SEMA6D: variants seen among roughly 807,000 people sequenced by gnomAD.
SEMA6D encodes the protein semaphorin-6D.
SEMA6D carries 35 observed loss-of-function variants against 106.6 expected under a neutral mutation model. That is an observed-to-expected ratio of 0.33 (90% confidence interval 0.25 to 0.44). The LOEUF is 0.44. Among genes scored for constraint, SEMA6D ranks in the 20% least tolerant of loss-of-function variants. The pLI is 1.00. For synonymous variants in SEMA6D, 499 were observed against 487.7 expected, an observed-to-expected ratio of 1.02 and a Z score of -0.31; for missense variants, 1,185 against 1,345.9, an observed-to-expected ratio of 0.88 and a Z score of 1.87.
chr15:47,350,259 C>G (rs1380860707), intron 1 of SEMA6D, among the ~76,000 whole-genome samples: 2 of 150,134 alleles, frequency 1.3e-5, no homozygotes, highest in Non-Finnish European at 3.0e-5. Context: ...AGGGCAGTCA[C>G]TAGGCCAGAA....
At chr15:47,310,949 G>C (rs1806679990) in intron 1 of SEMA6D, among the ~76,000 whole-genome samples, 1 of 152,118 alleles carries the variant, frequency 6.6e-6, no homozygotes, top group African/African-American at 2.4e-5. Flanking sequence ...ATTATATACT[G>C]CCTAAATTCT....
At chr15:47,747,251 A>G (rs1029647446) in intron 1 of SEMA6D, among the ~76,000 whole-genome samples, 8 of 152,156 alleles carry the variant, frequency 5.3e-5, no homozygotes, top group African/African-American at 1.9e-4. Flanking sequence ...ACTTGTAGGC[A>G]AATTGTTGCT....
chr15:47,251,899 C>A (rs2033530073), intron 1 of SEMA6D, among the ~76,000 whole-genome samples: 1 of 133,978 alleles, frequency 7.5e-6, no homozygotes, highest in African/African-American at 2.8e-5. Flanking sequence ...TATCCACTTT[C>A]TAATTGGATT....
chr15:47,568,630 T>C (rs928365156), intron 3 of SEMA6D, among the ~76,000 whole-genome samples: 17 of 152,178 alleles, frequency 1.1e-4, no homozygotes, highest in Non-Finnish European at 5.9e-5. Flanking sequence ...TTAATAATCA[T>C]TCATTTCTGG....
rs1432829612 is a variant in SEMA6D at position 47,766,178 on chromosome 15, A to C, written c.1642A>C (p.Met548Leu). 6.2e-7 allele frequency: 1 copy of C among 1,612,278 alleles called. No homozygotes were observed. Among genetic ancestry groups the C allele is most frequent in the South Asian group, 1.1e-5 (1 of 91,016 alleles). ...QGSCGRVTPG[M>L]LAEGYEQDTE... ...ATCCTGTGGTAGAGTGACCCCAGGG[A>C]TGCTGTAAGTATACTTTGTCACATG... Residue 548 changes from methionine to leucine, a missense_variant, in exon 15 of 19, where the codon ATG (methionine) becomes CTG (leucine). This residue lies in a region of SEMA6D where 750 missense variants were observed against 783.5 expected (regional missense o/e 0.96). Transcript: ENST00000536845.
chr15:47,244,283 G>T (rs1270747323), intron 1 of SEMA6D, among the ~76,000 whole-genome samples: 2 of 152,098 alleles, frequency 1.3e-5, no homozygotes, highest in Non-Finnish European at 2.9e-5. Context: ...CATTGAGCAA[G>T]AACTTTGTGA....
At chr15:47,665,563 A>C (rs940970996) in intron 4 of SEMA6D, among the ~76,000 whole-genome samples, 3 of 152,196 alleles carry the variant, frequency 2.0e-5, no homozygotes, top group African/African-American at 7.2e-5. Flanking sequence ...TAATCCCAGC[A>C]CTTTGGGAGG....
intron 3 of SEMA6D, among the ~76,000 whole-genome samples, chr15:47,539,787 C>T (rs1292591511): frequency 1.3e-5 from 2 of 152,128 alleles, no homozygotes; most frequent in Non-Finnish European, 2.9e-5. Flanking sequence ...AGCACAGATA[C>T]AACTGCAAAG....
intron 4 of SEMA6D, among the ~76,000 whole-genome samples, chr15:47,611,369 G>T (rs2076902427): frequency 6.6e-6 from 1 of 152,192 alleles, no homozygotes; most frequent in African/African-American, 2.4e-5. Context: ...TGTATTAAAA[G>T]ATTTTGCAAT....
chr15:47,320,316 C>A (rs2036875534), intron 1 of SEMA6D, among the ~76,000 whole-genome samples: 1 of 152,168 alleles, frequency 6.6e-6, no homozygotes, highest in Non-Finnish European at 1.5e-5. Flanking sequence ...TGGCTAGAGA[C>A]CTTAGAATCA....
At chr15:47,407,403 C>CAAAAAAAAAAAAA (rs1462088729) in intron 1 of SEMA6D, among the ~76,000 whole-genome samples, 18 of 82,226 alleles carry the variant, frequency 2.2e-4, no homozygotes, top group South Asian at 4.1e-4. Context: ...ACAACAACAA[C>CAAAAAAAAAAAAA]AACAACAAAA....
intron 2 of SEMA6D, among the ~76,000 whole-genome samples, chr15:47,424,657 A>T (rs1400485929): frequency 6.6e-6 from 1 of 152,138 alleles, no homozygotes; most frequent in Non-Finnish European, 1.5e-5. Context: ...TGAAAATAAA[A>T]ATCAGAGCTA....
At chr15:47,215,363 G>C (rs1330511696) in intron 1 of SEMA6D, among the ~76,000 whole-genome samples, 1 of 151,970 alleles carries the variant, frequency 6.6e-6, no homozygotes, top group East Asian at 1.9e-4. Context: ...AAAGGGGGTT[G>C]TGCACAGTTA....
At chr15:47,333,991 A>G (rs1381818254) in intron 1 of SEMA6D, among the ~76,000 whole-genome samples, 6 of 152,198 alleles carry the variant, frequency 3.9e-5, no homozygotes, top group African/African-American at 1.4e-4. Flanking sequence ...AGAGGAAGGA[A>G]TGCTAACCAG....
chr15:47,458,558 AT>A (rs1336658123), intron 2 of SEMA6D, among the ~76,000 whole-genome samples: 1 of 152,060 alleles, frequency 6.6e-6, no homozygotes, highest in Non-Finnish European at 1.5e-5. Flanking sequence ...GTAGAAATAT[AT>A]CTGCAAAATA....
At chr15:47,499,674 T>C (rs1421417233) in intron 3 of SEMA6D, among the ~76,000 whole-genome samples, 1 of 152,146 alleles carries the variant, frequency 6.6e-6, no homozygotes, top group Non-Finnish European at 1.5e-5. Flanking sequence ...GGGGTTCAAC[T>C]TTACCTATTG....
chr15:47,671,580 A>C (rs1192189144), intron 4 of SEMA6D, among the ~76,000 whole-genome samples: 1 of 152,202 alleles, frequency 6.6e-6, no homozygotes, highest in African/African-American at 2.4e-5. Context: ...GGAAAGCTTC[A>C]GTTGATAAGG....
chr15:47,453,612 C>T (rs1437585924), intron 2 of SEMA6D, among the ~76,000 whole-genome samples: 1 of 151,942 alleles, frequency 6.6e-6, no homozygotes, highest in Non-Finnish European at 1.5e-5. Context: ...AGCACGTCTG[C>T]AAGTTTTCAG....
chr15:47,550,956 T>C (rs1220673223), intron 3 of SEMA6D, among the ~76,000 whole-genome samples: 1 of 152,166 alleles, frequency 6.6e-6, no homozygotes, highest in East Asian at 1.9e-4. Flanking sequence ...TGCCATAAAA[T>C]AGGCATAAAT....
Sources: allele counts gnomAD v4.1 joint callset (sites outside exome capture counted in the v4.1 genomes callset), GRCh38; gene constraint gnomAD v4.1.1; regional missense constraint gnomAD v4.1.1; transcripts MANE v1.5; gene names NCBI Gene and HGNC (gene_info 2026-07-23, HGNC 2026-07-21).